Variants in DNAH9 observed in about 807,000 individuals in gnomAD.
DNAH9 encodes dynein axonemal heavy chain 9, also known as DNAH9 variant protein.
DNAH9 carries 345 observed loss-of-function variants against 471.6 expected under a neutral mutation model. The observed-to-expected ratio is 0.73, with a 90% CI of 0.67 to 0.80. The LOEUF (loss-of-function observed/expected upper bound fraction) is 0.80, where lower values mean the gene tolerates loss of function less well. Ranked by LOEUF, DNAH9 falls within the 30% of genes least tolerant of loss-of-function variation. The pLI, the probability that DNAH9 is intolerant of heterozygous loss-of-function variation, is 0.00. For missense variants in DNAH9, 5,407 were observed against 5,609.2 expected (o/e 0.96, Z 1.15); for synonymous variants, 2,093 against 2,123.6 (o/e 0.99, Z 0.40).
In DNAH9 at chr17:11,908,306, AT is replaced by A. The variant is rs570531335; in HGVS notation, c.11749+2503del. On this transcript the variant is annotated intron_variant, in intron 61 of 68. Transcript: ENST00000262442. ...CTTTTTCTATATTCTTCTAAAACAA[AT>A]TTTTTAATTGACAAATAATAATTGC... 1.3e-4 allele frequency among the ~76,000 whole-genome samples: 20 copies of A among 152,336 alleles called. No homozygotes were observed. The East Asian group carries it at 3.7e-3, about 28-fold the overall frequency.
At chr17:11,736,270 C>A (rs1302076376) in intron 28 of DNAH9, among the ~76,000 whole-genome samples, 1 of 152,126 alleles carries the variant, frequency 6.6e-6, no homozygotes, top group East Asian at 1.9e-4. Context: ...ATTAAGTGCT[C>A]AAAAATGTCA....
intron 38 of DNAH9, among the ~76,000 whole-genome samples, chr17:11,774,071 G>C (rs1968325660): frequency 6.6e-6 from 1 of 152,156 alleles, no homozygotes; most frequent in African/African-American, 2.4e-5. Flanking sequence ...GGGAGGTTGA[G>C]GTTGCAGTGA....
intron 6 of DNAH9, among the ~76,000 whole-genome samples, chr17:11,620,602 G>T (rs1425293317): frequency 6.6e-6 from 1 of 152,050 alleles, no homozygotes; most frequent in Non-Finnish European, 1.5e-5. Context: ...AGAAGTTTAG[G>T]AAATCCTGAT....
intron 40 of DNAH9, among the ~76,000 whole-genome samples, 188 bp downstream of exon 40, chr17:11,783,936 G>T (rs1414068717): frequency 6.6e-6 from 1 of 152,104 alleles, no homozygotes; most frequent in African/African-American, 2.4e-5. Context: ...AGATTGGAAG[G>T]GGTCATAGAT....
At chr17:11,844,037 C>T (rs944005019) in intron 49 of DNAH9, among the ~76,000 whole-genome samples, 11 of 103,260 alleles carry the variant, frequency 1.1e-4, no homozygotes, top group Middle Eastern at 5.4e-3. Flanking sequence ...TAAGTATATA[C>T]TCTTAATAAA....
At chr17:11,648,340 C>T (rs1008131545) in intron 12 of DNAH9, among the ~76,000 whole-genome samples, 8 of 152,170 alleles carry the variant, frequency 5.3e-5, no homozygotes, top group African/African-American at 1.9e-4. Flanking sequence ...TTTGGCAAGA[C>T]GTGAGTCTGT....
intron 32 of DNAH9, among the ~76,000 whole-genome samples, chr17:11,749,125 C>T (rs1967043484): frequency 1.6e-5 from 2 of 126,364 alleles, no homozygotes; most frequent in Admixed American, 9.8e-5. Flanking sequence ...CACTCTGTCG[C>T]CCAGGCTGGA....
At chr17:11,799,797 C>T (rs1301313351) in intron 43 of DNAH9, among the ~76,000 whole-genome samples, 2 of 152,162 alleles carry the variant, frequency 1.3e-5, no homozygotes, top group Non-Finnish European at 2.9e-5. Flanking sequence ...GTTGGCCAGG[C>T]TGGTCTCAAA....
At chr17:11,868,969 G>C (rs1474270918) in intron 50 of DNAH9, among the ~76,000 whole-genome samples, 165 bp from the exon 51 acceptor site, 1 of 152,118 alleles carries the variant, frequency 6.6e-6, no homozygotes, top group East Asian at 1.9e-4. Context: ...GATCTTCCCC[G>C]AATGTGCTTT....
chr17:11,763,650 A>G (rs756303738), intron 36 of DNAH9, 36 bp downstream of exon 36: 7 of 1,588,972 alleles, frequency 4.4e-6, no homozygotes, highest in Non-Finnish European at 6.0e-6. Context: ...ACCACACTGA[A>G]GTCTGTAGCA....
chr17:11,637,836 G>A (rs982244348), intron 9 of DNAH9, among the ~76,000 whole-genome samples: 2 of 151,994 alleles, frequency 1.3e-5, no homozygotes, highest in South Asian at 2.1e-4. Context: ...TGGGAGATTC[G>A]AGGGCAGGCT....
chr17:11,598,557 G>GCGCCGACCGCGGATGGGGAACCCGA lies in DNAH9; in HGVS notation c.68_69insCGGATGGGGAACCCGACGCCGACCG (p.Arg24GlyfsTer36). ...GCGGAGAACGCGGATGGGGAACCCGGCGCCGACCGACGACTGCGACTCCTG... is the reference window on the plus strand; with the variant it reads ...GCGGAGAACGCGGATGGGGAACCCGGCGCCGACCGCGGATGGGGAACCCGACGCCGACCGACGACTGCGACTCCTG... On this transcript the variant is annotated frameshift_variant, in exon 1 of 69. Coordinates refer to ENST00000262442, the MANE Select transcript of DNAH9 (RefSeq NM_001372.4). LOFTEE classifies it high-confidence loss of function. 1 of 1,408,488 alleles carries GCGCCGACCGCGGATGGGGAACCCGA rather than the reference G, an allele frequency of 7.1e-7. No individual in the cohort carries two copies. Among genetic ancestry groups the GCGCCGACCGCGGATGGGGAACCCGA allele is most frequent in the Non-Finnish European group, 9.2e-7 (1 of 1,089,292 alleles). 87.2% of individuals were successfully genotyped at this position (1,408,488 alleles called of 1,614,324 possible).
chr17:11,719,436 C>A lies in DNAH9; in HGVS notation c.5655C>A (p.Arg1885=), dbSNP rs111713622. 1.2e-6 allele frequency: 2 copies of A among 1,613,808 alleles called. No homozygotes were observed. The highest frequency in any genetic ancestry group is 2.2e-5 in the East Asian group (1 of 44,840). ...GKTETTKDLG[R]ALGILVYVFN... The stretch of plus-strand genomic sequence containing the variant: ...CCGAGACCACCAAGGACCTGGGCCG[C>A]GCACTGGGCATCCTGGTCTATGTGT... The change falls in exon 27 of 69, where the codon CGC becomes CGA. Residue 1885 remains arginine, a synonymous_variant. Coordinates refer to ENST00000262442, the MANE Select transcript of DNAH9 (RefSeq NM_001372.4).
intron 19 of DNAH9, among the ~76,000 whole-genome samples, chr17:11,681,658 T>C (rs1207790041): frequency 1.3e-5 from 2 of 152,192 alleles, no homozygotes; most frequent in South Asian, 2.1e-4. Context: ...GGGTCTCCTC[T>C]ATATTGTTGG....
intron 43 of DNAH9, among the ~76,000 whole-genome samples, chr17:11,806,254 G>C (rs1272754498): frequency 6.6e-6 from 1 of 152,108 alleles, no homozygotes. Context: ...ACATGTCGGT[G>C]CCGTCATTCT....
At chr17:11,758,728 A>C (rs1967515204) in intron 35 of DNAH9, among the ~76,000 whole-genome samples, 1 of 152,130 alleles carries the variant, frequency 6.6e-6, no homozygotes, top group South Asian at 2.1e-4. Context: ...ACCCTGAAAA[A>C]TCCACTCACG....
chr17:11,719,305 G>A, intron 26 of DNAH9, 29 bp from the exon 27 acceptor site: 1 of 1,609,278 alleles, frequency 6.2e-7, no homozygotes, highest in African/African-American at 1.3e-5. Flanking sequence ...CCCCAAGAAT[G>A]ATGACCTATG....
chr17:11,785,145 C>T (rs1968817074), intron 41 of DNAH9, among the ~76,000 whole-genome samples: 1 of 152,022 alleles, frequency 6.6e-6, no homozygotes, highest in Non-Finnish European at 1.5e-5. Flanking sequence ...GGCTCATCAC[C>T]ATCAAAGTCT....
At position 11,797,617 on chromosome 17, in the gene DNAH9, G is replaced by A. The variant is rs1222950311; in HGVS notation, c.8244G>A (p.Glu2748=). Residue 2748 remains glutamate (E), a synonymous_variant, in exon 43 of 69, where the codon GAG becomes GAA. Coordinates refer to ENST00000262442, the MANE Select transcript of DNAH9 (RefSeq NM_001372.4). The stretch of plus-strand genomic sequence containing the variant: ...ACCAGGATATTGAAGACCCTGTGGA[G>A]CAGACCCAAAGCCCGAACCTGTATT... ...KTFDDIEDPV[E]QTQSPNLYCH... 1 of 1,613,288 alleles carries A rather than the reference G, an allele frequency of 6.2e-7. No homozygotes were observed. The highest frequency in any genetic ancestry group is 1.7e-5 in the Admixed American group (1 of 59,966).
Sources: gnomAD v4.1 joint callset for allele counts (sites outside exome capture counted in the v4.1 genomes callset) on GRCh38, gnomAD v4.1.1 for gene constraint, MANE v1.5 for transcripts, NCBI Gene and HGNC (gene_info 2026-07-23, HGNC 2026-07-21) for gene names.